Variants in MALL observed in about 807,000 individuals in gnomAD.
MALL encodes the protein mal, T cell differentiation protein like, also known as MAL-like protein.
In MALL, 2 loss-of-function variants were observed where a neutral mutation model predicts 10.3. The ratio of observed to expected loss-of-function variants is 0.19; its 90% CI spans 0.08 to 0.61. The LOEUF (loss-of-function observed/expected upper bound fraction) is 0.61, where lower values mean the gene tolerates loss of function less well. MALL is among the 20% of genes least tolerant of loss of function. The pLI is 0.88. For missense variants in MALL, 39 were observed against 115.2 expected (o/e 0.34, Z 3.03); for synonymous variants, 27 against 51.8 (o/e 0.52, Z 2.05).
chr2:110,114,108 C>T (rs1678860287), intron 1 of MALL, among the ~76,000 whole-genome samples: 1 of 152,110 alleles, frequency 6.6e-6, no homozygotes, highest in Non-Finnish European at 1.5e-5. Context: ...TGGGTGCTGT[C>T]CTGGTTCCAG....
At chr2:110,101,354 C>T (rs866060139) in intron 1 of MALL, among the ~76,000 whole-genome samples, 8 of 152,254 alleles carry the variant, frequency 5.3e-5, no homozygotes, top group Middle Eastern at 6.8e-3. Flanking sequence ...TGAGTCACTG[C>T]GTCCTGACTC....
chr2:110,117,709 G>A (rs973262359), upstream of MALL, among the ~76,000 whole-genome samples: 5 of 151,334 alleles, frequency 3.3e-5, no homozygotes, highest in African/African-American at 1.2e-4. Flanking sequence ...TGGTTCCTCT[G>A]ATCAGAGACA....
At chr2:110,117,308 CT>C (rs530969552), upstream of MALL, among the ~76,000 whole-genome samples, 430 of 152,164 alleles carry the variant, frequency 2.8e-3, 1 homozygote, top group African/African-American at 0.01. Flanking sequence ...TGTAGGATAC[CT>C]TTGACTTGCC....
chr2:110,101,463 G>A (rs1413470510), intron 1 of MALL, among the ~76,000 whole-genome samples: 6 of 152,180 alleles, frequency 3.9e-5, no homozygotes, highest in East Asian at 3.9e-4. Flanking sequence ...CTCATCTCCC[G>A]CTGGATAACA....
At position 110,100,828 on chromosome 2, in the gene MALL, G is replaced by A. The variant is rs370134224; in HGVS notation, c.106-9058C>T. On this transcript the variant is annotated intron_variant, in intron 1 of 3. Transcript: ENST00000272462. ...GGGGGTCTGGGTGGGAGTGGGAGCC[G>A]CTGAGGAAGGTGAAGGGAAATGTGG... 1.1e-3 allele frequency among the ~76,000 whole-genome samples: 166 copies of A among 152,288 alleles called. 2 individuals carry two copies. The highest frequency in any genetic ancestry group is 6.8e-3 in the Middle Eastern group (2 of 294).
chr2:110,099,772 G>A lies in MALL; in HGVS notation c.106-8002C>T, dbSNP rs1678522389. ...CACAGGGCACAATGGTCCCTTTCTTGCTCTGGCCATTACTGTGCAGTGGTG... is the reference window on the plus strand; with the variant it reads ...CACAGGGCACAATGGTCCCTTTCTTACTCTGGCCATTACTGTGCAGTGGTG... On this transcript the variant is annotated intron_variant, in intron 1 of 3. Coordinates refer to ENST00000272462, the MANE Select transcript of MALL (RefSeq NM_005434.5). Among the ~76,000 whole-genome samples, 3 of 152,128 alleles carry A rather than the reference G, an allele frequency of 2.0e-5. No individual in the cohort carries two copies. In the South Asian group the frequency reaches 6.2e-4, roughly 32 times the overall value.
intron 1 of MALL, among the ~76,000 whole-genome samples, chr2:110,099,926 A>G (rs929355483): frequency 5.9e-5 from 9 of 151,986 alleles, no homozygotes; most frequent in African/African-American, 2.2e-4. Flanking sequence ...GGCCAGTCCC[A>G]GCCAGCGACA....
chr2:110,117,598 T>TGTGTGTGTG, upstream of MALL, among the ~76,000 whole-genome samples: 1 of 126,950 alleles, frequency 7.9e-6, no homozygotes, highest in Non-Finnish European at 1.7e-5. Flanking sequence ...TGTGTGTGTG[T>TGTGTGTGTG]GTGTGTGTGT....
At chr2:110,097,265 A>G (rs1316513250) in intron 1 of MALL, among the ~76,000 whole-genome samples, 12 of 152,024 alleles carry the variant, frequency 7.9e-5, no homozygotes, top group Admixed American at 6.5e-4. Flanking sequence ...TGAACAGAAT[A>G]CTTCCAGAAT....
intron 1 of MALL, among the ~76,000 whole-genome samples, chr2:110,098,194 C>T (rs1406423502): frequency 1.3e-5 from 2 of 151,576 alleles, no homozygotes; most frequent in African/African-American, 4.9e-5. Context: ...CTAGATACCT[C>T]TCTCTCTTTT....
In MALL at chr2:110,106,870, C is replaced by G. The variant is rs193297189; in HGVS notation, c.105+8818G>C. On this transcript the variant is annotated intron_variant, in intron 1 of 3. Coordinates refer to ENST00000272462, the MANE Select transcript of MALL (RefSeq NM_005434.5). ...ATGACGGCAAAGCCAGACCACGGAA[C>G]GCTACTTAGCAGTAAGAAGGAAGGA... Among the ~76,000 whole-genome samples, 196 of 152,240 alleles carry G rather than the reference C, an allele frequency of 1.3e-3. 1 individual carries two copies. Among genetic ancestry groups the G allele is most frequent in the African/African-American group, 4.4e-3 (182 of 41,536 alleles).
intron 1 of MALL, among the ~76,000 whole-genome samples, chr2:110,095,664 C>G (rs1460553883): frequency 1.3e-5 from 2 of 150,874 alleles, no homozygotes; most frequent in Non-Finnish European, 2.9e-5. Context: ...CTTTTTTTAA[C>G]CAATAAATCT....
At chr2:110,105,946 G>A (rs1426465357) in intron 1 of MALL, among the ~76,000 whole-genome samples, 1 of 152,144 alleles carries the variant, frequency 6.6e-6, no homozygotes, top group African/African-American at 2.4e-5. Flanking sequence ...TGGCCATTTG[G>A]GTAAGACATA....
At chr2:110,110,677 C>T (rs938242373) in intron 1 of MALL, among the ~76,000 whole-genome samples, 13 of 152,030 alleles carry the variant, frequency 8.6e-5, no homozygotes, top group Non-Finnish European at 1.6e-4. Flanking sequence ...GACATTATTC[C>T]ACAAGATAGA....
intron 1 of MALL, among the ~76,000 whole-genome samples, chr2:110,096,994 A>G (rs1223715106): frequency 6.6e-6 from 1 of 152,122 alleles, no homozygotes; most frequent in Non-Finnish European, 1.5e-5. Context: ...CCTGTTGATT[A>G]CAGAAAAGCT....
chr2:110,097,388 A>T, intron 1 of MALL: 1 of 445,904 alleles, frequency 2.2e-6, no homozygotes. Flanking sequence ...CAAACAAATA[A>T]TATGTAAATT....
intron 1 of MALL, 58 bp downstream of exon 1, chr2:110,115,630 G>A (rs982723094): frequency 1.9e-6 from 2 of 1,028,914 alleles, no homozygotes; most frequent in African/African-American, 3.4e-5. Flanking sequence ...GTCTGGGTCC[G>A]AGGCCGGTCT....
chr2:110,114,046 C>T (rs1678859063), intron 1 of MALL, among the ~76,000 whole-genome samples: 2 of 152,128 alleles, frequency 1.3e-5, no homozygotes, highest in South Asian at 4.2e-4. Flanking sequence ...AGGAGTTTCA[C>T]TGGCAGGAGC....
At chr2:110,112,343 G>A (rs1678822509) in intron 1 of MALL, among the ~76,000 whole-genome samples, 1 of 152,088 alleles carries the variant, frequency 6.6e-6, no homozygotes. Flanking sequence ...ATCTGACAAA[G>A]GTCTAATATT....
Sources: gnomAD v4.1 joint callset for allele counts (sites outside exome capture counted in the v4.1 genomes callset) on GRCh38, gnomAD v4.1.1 for gene constraint, MANE v1.5 for transcripts, NCBI Gene and HGNC (gene_info 2026-07-23, HGNC 2026-07-21) for gene names.